TMEM116: variants seen among roughly 807,000 people sequenced by gnomAD.
The protein encoded by TMEM116 is transmembrane protein 116.
A neutral mutation model predicts 44.3 loss-of-function variants in TMEM116; 38 were observed. The ratio of observed to expected loss-of-function variants is 0.86; its 90% CI spans 0.66 to 1.12. The LOEUF (loss-of-function observed/expected upper bound fraction) is 1.12. Among genes scored for constraint, TMEM116 ranks in the 50% most tolerant of loss-of-function variants. TMEM116 has a pLI of 0.00. For synonymous variants in TMEM116, 132 were observed against 144.8 expected (o/e 0.91, Z 0.64); for missense variants, 354 against 401.7 (o/e 0.88, Z 1.01).
intron 1 of TMEM116, 196 bp downstream of exon 1, chr12:112,012,806 G>C (rs762477069): frequency 5.2e-5 from 8 of 152,584 alleles, no homozygotes; most frequent in Non-Finnish European, 1.2e-4. Flanking sequence ...GGCCTTGGCT[G>C]GGCGGATCCC....
At chr12:111,966,700 G>A (rs746529252) in intron 4 of TMEM116, among the ~76,000 whole-genome samples, 1 of 152,164 alleles carries the variant, frequency 6.6e-6, no homozygotes, top group African/African-American at 2.4e-5. Context: ...CTCTTCTGAT[G>A]GCTTATACAG....
intron 4 of TMEM116, among the ~76,000 whole-genome samples, chr12:111,966,708 C>T (rs754429000): frequency 1.3e-5 from 2 of 152,192 alleles, no homozygotes; most frequent in Admixed American, 1.3e-4. Context: ...ATGGCTTATA[C>T]AGTTGGAGTA....
rs145360299 is a variant in TMEM116 at position 111,932,657 on chromosome 12, C to A, written c.736G>T (p.Val246Phe). 6.4e-4 allele frequency: 1,040 copies of A among 1,613,924 alleles called. No homozygotes were observed. Among genetic ancestry groups the A allele is most frequent in the Admixed American group, 1.1e-3 (65 of 60,020 alleles). The change falls in exon 10 of 11, where the codon GTC (valine) becomes TTC (phenylalanine). Residue 246 changes from valine to phenylalanine, a missense_variant and splice_region_variant. By Grantham distance (50) the Val-to-Phe change is conservative (BLOSUM62 -1). Transcript: ENST00000552374. ...VAFFCCWGPA[V>F]ILMIIKLTKP... ...GTCAGCTTTATGATCATTAGAATGA[C>A]AGCTGTGAATACACAAAGTGTAAAC...
intron 3 of TMEM116, among the ~76,000 whole-genome samples, chr12:112,003,042 C>T (rs1189491199): frequency 6.6e-6 from 1 of 152,164 alleles, no homozygotes; most frequent in Non-Finnish European, 1.5e-5. Context: ...ACTCTGTTTT[C>T]ACCATAAAAT....
chr12:111,945,343 C>CAAAAAAAAAA (rs917839133), intron 4 of TMEM116, among the ~76,000 whole-genome samples: 4 of 33,814 alleles, frequency 1.2e-4, no homozygotes, highest in Admixed American at 4.1e-4. Context: ...GACTCCATCT[C>CAAAAAAAAAA]AAAAAAAAAA....
chr12:111,964,188 C>T (rs1320783399), intron 4 of TMEM116, among the ~76,000 whole-genome samples: 1 of 150,766 alleles, frequency 6.6e-6, no homozygotes, highest in African/African-American at 2.4e-5. Flanking sequence ...TGCCTGTAAT[C>T]CCAGCACTTT....
At chr12:111,956,633 C>A (rs1038644178) in intron 4 of TMEM116, among the ~76,000 whole-genome samples, 2 of 152,186 alleles carry the variant, frequency 1.3e-5, no homozygotes, top group African/African-American at 2.4e-5. Flanking sequence ...CCTGCCTCAG[C>A]CTGCCGAGTG....
chr12:111,993,031 TC>T, intron 3 of TMEM116: 1 of 170,008 alleles, frequency 5.9e-6, no homozygotes, highest in Non-Finnish European at 1.3e-5. Flanking sequence ...GTGAACTCCT[TC>T]AATGTGCCAC....
intron 3 of TMEM116, 156 bp downstream of exon 3, chr12:112,003,644 C>A: frequency 2.2e-6 from 2 of 904,218 alleles, no homozygotes; most frequent in Non-Finnish European, 3.1e-6. Context: ...AAAAGGGAGC[C>A]CTACTGACCA....
rs552565438 is a variant in TMEM116 at position 112,006,411 on chromosome 12, T to C, written c.-33-1108A>G. On this transcript the variant is annotated intron_variant, in intron 1 of 10. Coordinates refer to ENST00000552374, the MANE Select transcript of TMEM116 (RefSeq NM_001193531.2). ...GATAGAAAGGAGGTCTCCCTAAAAT[T>C]TGCCCTTGTTTAGAGACAGAAGCCT... 1.1e-4 allele frequency among the ~76,000 whole-genome samples: 16 copies of C among 152,298 alleles called. No individual in the cohort carries two copies. The East Asian group carries it at 1.3e-3, about 13-fold the overall frequency.
At chr12:112,010,065 T>C (rs1337617267) in intron 1 of TMEM116, among the ~76,000 whole-genome samples, 1 of 152,114 alleles carries the variant, frequency 6.6e-6, no homozygotes, top group Non-Finnish European at 1.5e-5. Flanking sequence ...CTCCCTCCTA[T>C]CTGAGCTTAA....
chr12:111,998,408 G>A (rs1358755816), intron 3 of TMEM116, among the ~76,000 whole-genome samples: 1 of 152,120 alleles, frequency 6.6e-6, no homozygotes, highest in Non-Finnish European at 1.5e-5. Flanking sequence ...AATTTAGTTG[G>A]GTATGACAAG....
chr12:111,983,978 A>G (rs2076087506), intron 4 of TMEM116, among the ~76,000 whole-genome samples: 1 of 152,194 alleles, frequency 6.6e-6, no homozygotes, highest in Admixed American at 6.6e-5. Flanking sequence ...ATACACCATG[A>G]TGAAATAGGA....
chr12:112,003,888 T>C, intron 2 of TMEM116, 25 bp from the exon 3 acceptor site: 2 of 1,484,632 alleles, frequency 1.3e-6, no homozygotes, highest in East Asian at 2.6e-5. Flanking sequence ...AGATGATTGA[T>C]CATTAAAGCA....
intron 2 of TMEM116, among the ~76,000 whole-genome samples, chr12:112,004,939 G>A (rs1292184334): frequency 6.6e-6 from 1 of 152,094 alleles, no homozygotes; most frequent in African/African-American, 2.4e-5. Context: ...TATGAGCTCA[G>A]CCCTGCCAAT....
rs540982099 is a variant in TMEM116 at position 111,967,712 on chromosome 12, G to GA, written c.210+24045dup. ...CCCTAATGATCCCTACATAGGTGGG[G>GA]AAAAAAATACACTTTAAAAAAACAA... On this transcript the variant is annotated intron_variant, in intron 4 of 10. Transcript: ENST00000552374. Among the ~76,000 whole-genome samples the GA allele has an allele frequency of 6.6e-4, 100 of 151,824 alleles. 4 individuals carry two copies. The South Asian group carries it at 0.017, about 26-fold the overall frequency.
intron 4 of TMEM116, among the ~76,000 whole-genome samples, chr12:111,947,115 T>C (rs2073346972): frequency 1.3e-5 from 2 of 152,032 alleles, no homozygotes; most frequent in Non-Finnish European, 2.9e-5. Context: ...ATTGGGTTTT[T>C]AATTAAAGTG....
At chr12:112,009,522 G>A (rs1398972388) in intron 1 of TMEM116, among the ~76,000 whole-genome samples, 1 of 142,662 alleles carries the variant, frequency 7.0e-6, no homozygotes, top group African/African-American at 2.7e-5. Flanking sequence ...TGCTAAATCA[G>A]CATGGGTTTA....
At chr12:111,941,646 T>C (rs936097547) in intron 5 of TMEM116, among the ~76,000 whole-genome samples, 1 of 152,174 alleles carries the variant, frequency 6.6e-6, no homozygotes, top group African/African-American at 2.4e-5. Flanking sequence ...ACAGCTCTTA[T>C]ATAGACAATG....
Sources: allele counts gnomAD v4.1 joint callset (sites outside exome capture counted in the v4.1 genomes callset), GRCh38; gene constraint gnomAD v4.1.1; transcripts MANE v1.5; gene names NCBI Gene and HGNC (gene_info 2026-07-23, HGNC 2026-07-21).